The following AKNA variants were observed in gnomAD, a reference collection of about 807,000 sequenced individuals.
AKNA encodes the protein AT-hook transcription factor, also known as microtubule organization protein AKNA.
A neutral mutation model predicts 138.8 loss-of-function variants in AKNA; 67 were observed. The ratio of observed to expected loss-of-function variants is 0.48; its 90% confidence interval spans 0.40 to 0.59. AKNA has a LOEUF of 0.59. Among genes scored for constraint, AKNA ranks in the 20% least tolerant of loss-of-function variants. The pLI, the probability that AKNA is intolerant of heterozygous loss-of-function variation, is 0.00. For missense variants in AKNA, 1,813 were observed against 1,880.4 expected, an observed-to-expected ratio of 0.96 and a Z score of 0.66; for synonymous variants, 737 against 754.4, an observed-to-expected ratio of 0.98 and a Z score of 0.38.
At position 114,337,145 on chromosome 9, in the gene AKNA, T is replaced by C. The variant is rs1176277881; in HGVS notation, c.4229A>G (p.Glu1410Gly). 1.4e-5 allele frequency: 23 copies of C among 1,610,454 alleles called. No homozygotes were observed. Among genetic ancestry groups the C allele is most frequent in the Non-Finnish European group, 1.9e-5 (22 of 1,178,306 alleles). Residue 1410 changes from glutamate to glycine, a missense_variant, in exon 22 of 22, where the codon GAG (glutamate) becomes GGG (glycine). By Grantham distance (98) the Glu-to-Gly change is moderately conservative. Transcript: ENST00000374088. ...KALSRAVQAA[E>G]SVRSTTRQMR... ...CTGCCTGGTGGTAGAGCGGACGCTC[T>C]CGGCAGCCTGCACGGCCCGGCTCAG...
chr9:114,330,531 C>T (rs778550423), downstream of AKNA: 35 of 1,612,478 alleles, frequency 2.2e-5, 1 homozygote, highest in South Asian at 3.7e-4. Context: ...TACTTTACCC[C>T]CAACAAGACA....
chr9:114,331,851 G>T (rs970091086), downstream of AKNA: 1 of 1,613,812 alleles, frequency 6.2e-7, no homozygotes, highest in East Asian at 2.2e-5. Context: ...CGACCAAGGA[G>T]CAACTGGGAG....
In AKNA at chr9:114,377,218, G is replaced by A. The variant is rs1229144954; in HGVS notation, c.589C>T (p.Pro197Ser). 1.2e-6 allele frequency: 2 copies of A among 1,614,200 alleles called. No homozygotes were observed. Among genetic ancestry groups the A allele is most frequent in the South Asian group, 2.2e-5 (2 of 91,090 alleles). The change falls in exon 3 of 22, where the codon CCG (proline) becomes TCG (serine). Residue 197 changes from proline to serine, a missense_variant. By Grantham distance (74) the Pro-to-Ser change is moderately conservative. Transcript: ENST00000374088. ...SEVNPSVELS[P>S]ARSWSSGTVS... ...GTCCCACTGCTCCAGGACCTTGCCGGGCTGAGTTCAACGGATGGGTTGACC... is the reference window on the plus strand; with the variant it reads ...GTCCCACTGCTCCAGGACCTTGCCGAGCTGAGTTCAACGGATGGGTTGACC...
At chr9:114,385,853 C>T (rs2636894) in intron 1 of AKNA, among the ~76,000 whole-genome samples, 4,657 of 152,276 alleles carry the variant, frequency 0.031, 231 homozygotes, top group African/African-American at 0.11. Context: ...CAGGCTGGGA[C>T]GATGCTGTGA....
rs752299211 is a variant in AKNA at position 114,376,463 on chromosome 9, A to G, written c.1341+3T>C. ...CACATCCACAGCCATGAGTCCCACTAACCTGGAGCTGATGGACCAGCTCAG... is the reference window on the plus strand; with the variant it reads ...CACATCCACAGCCATGAGTCCCACTGACCTGGAGCTGATGGACCAGCTCAG... On this transcript the variant is annotated splice_donor_region_variant and intron_variant, in intron 3 of 21. Transcript: ENST00000374088. The G allele has an allele frequency of 3.7e-6, 6 of 1,613,886 alleles. No homozygotes were observed. The highest frequency in any genetic ancestry group is 5.1e-6 in the Non-Finnish European group (6 of 1,179,924).
chr9:114,330,749 C>G (rs17230081), downstream of AKNA: 5 of 1,605,760 alleles, frequency 3.1e-6, no homozygotes, highest in East Asian at 2.2e-5. Context: ...CACTTCTCCT[C>G]GATAACATTA....
chr9:114,361,764 C>T lies in AKNA; in HGVS notation c.2064G>A (p.Thr688=), dbSNP rs755177057. 2.4e-5 allele frequency: 39 copies of T among 1,613,622 alleles called. No individual in the cohort carries two copies. The highest frequency in any genetic ancestry group is 3.1e-5 in the Non-Finnish European group (36 of 1,180,016). Residue 688 remains threonine, a synonymous_variant, in exon 9 of 22, where the codon ACG becomes ACA. Coordinates refer to ENST00000374088, the MANE Select transcript of AKNA (RefSeq NM_001317950.2). ...TPALPCLHQP[T]HLPAPSGQAP... ...CTTGTCCAGAAGGAGCAGGCAGGTG[C>T]GTTGGCTGATGGAGGCAGGGCAGGG...
chr9:114,367,859 T>A (rs1412166961), intron 5 of AKNA, among the ~76,000 whole-genome samples, 162 bp from the exon 6 acceptor site: 1 of 152,202 alleles, frequency 6.6e-6, no homozygotes, highest in Non-Finnish European at 1.5e-5. Context: ...GGTAGAACAT[T>A]GTCCCCCATT....
At chr9:114,355,795 C>A in intron 14 of AKNA, 130 bp downstream of exon 14, 2 of 1,004,244 alleles carry the variant, frequency 2.0e-6, no homozygotes, top group Non-Finnish European at 2.8e-6. Flanking sequence ...CTTTTGTCCA[C>A]GTTATCTGTA....
At chr9:114,346,820 A>G (rs1830721518) in intron 16 of AKNA, 36 bp from the exon 17 acceptor site, 1 of 1,577,850 alleles carries the variant, frequency 6.3e-7, no homozygotes, top group Non-Finnish European at 8.7e-7. Context: ...TCATTGGATG[A>G]GGTTTTGTGT....
chr9:114,364,790 G>C (rs1421995672), intron 6 of AKNA, among the ~76,000 whole-genome samples, 171 bp from the exon 7 acceptor site: 1 of 152,160 alleles, frequency 6.6e-6, no homozygotes, highest in Non-Finnish European at 1.5e-5. Context: ...ACCAGCCCCA[G>C]GCATGGTAGC....
At chr9:114,346,634 C>A in intron 17 of AKNA, 35 bp downstream of exon 17, 1 of 1,538,920 alleles carries the variant, frequency 6.5e-7, no homozygotes, top group Non-Finnish European at 8.9e-7. Context: ...CAGACTGTGG[C>A]CTCTGGAAAT....
In AKNA at chr9:114,377,405, A is replaced by G. The variant is rs373269283; in HGVS notation, c.402T>C (p.Val134=). ...EPDGTLGSLE[V]EEAGESSSRL... ...TTGAGGAGCTCTCTCCAGCCTCCTC[A>G]ACCTCCAGACTTCCGAGGGTCCCAT... is the stretch of plus-strand genomic sequence containing the variant. The change falls in exon 3 of 22, where the codon GTT becomes GTC. Residue 134 remains valine (V), a synonymous_variant. Transcript: ENST00000374088. The G allele has an allele frequency of 3.8e-5, 61 of 1,613,626 alleles. No individual in the cohort carries two copies. Among genetic ancestry groups the G allele is most frequent in the Non-Finnish European group, 5.0e-5 (59 of 1,179,928 alleles).
In AKNA at chr9:114,337,013, G is replaced by GCC; in HGVS notation, c.*39_*40dup. 1 of 1,185,370 alleles carries GCC rather than the reference G, an allele frequency of 8.4e-7. No homozygotes were observed. Among genetic ancestry groups the GCC allele is most frequent in the Non-Finnish European group, 1.1e-6 (1 of 921,704 alleles). 73.4% of individuals were successfully genotyped at this position (1,185,370 alleles called of 1,614,324 possible). The stretch of plus-strand genomic sequence containing the variant: ...CCACTCCTGGCCTGGCAGGCCACCT[G>GCC]CCCACCCACCCACCCATCTGCCTCT... On this transcript the variant is annotated 3_prime_UTR_variant, in exon 22 of 22. Coordinates refer to ENST00000374088, the MANE Select transcript of AKNA (RefSeq NM_001317950.2).
intron 6 of AKNA, among the ~76,000 whole-genome samples, chr9:114,365,811 C>T (rs892507784): frequency 1.3e-5 from 2 of 152,182 alleles, no homozygotes; most frequent in African/African-American, 4.8e-5. Context: ...TTCAGAGCAG[C>T]CCATGTCAAG....
chr9:114,364,463 C>T, intron 7 of AKNA, 97 bp downstream of exon 7: 1 of 1,318,778 alleles, frequency 7.6e-7, no homozygotes, highest in Non-Finnish European at 1.1e-6. Flanking sequence ...CTGGGATTCT[C>T]TTTTCTGTCT....
At chr9:114,338,652 A>C (rs764020075) in intron 21 of AKNA, among the ~76,000 whole-genome samples, 47 of 152,202 alleles carry the variant, frequency 3.1e-4, no homozygotes, top group Admixed American at 9.8e-4. Flanking sequence ...CCCTGCCCCA[A>C]ATCCCAGTCA....
At chr9:114,364,510 G>C (rs1212835370) in intron 7 of AKNA, 50 bp downstream of exon 7, 2 of 1,582,394 alleles carry the variant, frequency 1.3e-6, no homozygotes, top group Non-Finnish European at 1.7e-6. Flanking sequence ...AGTCATGGGA[G>C]ACAGTGGTTG....
In AKNA at chr9:114,334,599, C is replaced by T. The variant is rs1294181372; in HGVS notation, c.*2455G>A. On this transcript the variant is annotated 3_prime_UTR_variant, in exon 22 of 22. Coordinates refer to ENST00000374088, the MANE Select transcript of AKNA (RefSeq NM_001317950.2). ...AGCCAAGCCCGAGGCACAGCCCACT[C>T]AGTGGCACAAGCCACAAAGGGCCGG... 1 of 147,180 alleles carries T rather than the reference C, an allele frequency of 6.8e-6. No homozygotes were observed. The highest frequency in any genetic ancestry group is 1.5e-5 in the Non-Finnish European group (1 of 68,014). The allele number at this position is 147,180 out of a possible 1,614,324, so 9.1% of individuals were successfully genotyped here. A position where few individuals can be genotyped will look rare whatever the true frequency, so the allele number is the denominator to read the frequency against.
Sources: gnomAD v4.1 joint callset for allele counts (sites outside exome capture counted in the v4.1 genomes callset) on GRCh38, gnomAD v4.1.1 for gene constraint, MANE v1.5 for transcripts, NCBI Gene and HGNC (gene_info 2026-07-23, HGNC 2026-07-21) for gene names.